Variants in PCSK5 observed in about 807,000 individuals in gnomAD.
The protein encoded by PCSK5 is proprotein convertase subtilisin/kexin type 5, also known as prohormone convertase 5.
PCSK5 carries 129 observed loss-of-function variants against 233.2 expected under a neutral mutation model. The ratio of observed to expected loss-of-function variants is 0.55; its 90% CI spans 0.48 to 0.64. The LOEUF (loss-of-function observed/expected upper bound fraction) is 0.64. Ranked by LOEUF, PCSK5 falls within the 30% of genes least tolerant of loss-of-function variation. The pLI, the probability that PCSK5 is intolerant of heterozygous loss-of-function variation, is 0.00. For synonymous variants in PCSK5, 825 were observed against 879.2 expected (o/e 0.94, Z 1.09); for missense variants, 2,076 against 2,430.1 (o/e 0.85, Z 3.06).
intron 2 of PCSK5, among the ~76,000 whole-genome samples, chr9:75,933,518 G>T (rs73448505): frequency 0.013 from 1,947 of 152,256 alleles, 47 homozygotes; most frequent in African/African-American, 0.044. Context: ...TCCTTATAAA[G>T]CAAAAAGGCC....
chr9:76,155,395 A>G (rs890065778), intron 10 of PCSK5, among the ~76,000 whole-genome samples: 2 of 152,228 alleles, frequency 1.3e-5, no homozygotes, highest in African/African-American at 4.8e-5. Context: ...TTTATATACT[A>G]TAGTTTATTT....
intron 25 of PCSK5, among the ~76,000 whole-genome samples, chr9:76,294,778 T>C (rs561339190): frequency 6.6e-6 from 1 of 152,150 alleles, no homozygotes; most frequent in South Asian, 2.1e-4. Flanking sequence ...TCCTTGGAGG[T>C]CCAGAAGGAG....
chr9:76,193,482 T>TTC (rs541704834), intron 20 of PCSK5: 23 of 702,188 alleles, frequency 3.3e-5, no homozygotes, highest in East Asian at 8.5e-5. Context: ...CTCTTTTTCT[T>TTC]TCTCTCTCTC....
intron 28 of PCSK5, among the ~76,000 whole-genome samples, chr9:76,303,711 CA>C (rs1188456449): frequency 6.6e-6 from 1 of 152,174 alleles, no homozygotes; most frequent in Non-Finnish European, 1.5e-5. Context: ...AGTGATACTG[CA>C]GTTTTAAAAA....
intron 3 of PCSK5, among the ~76,000 whole-genome samples, chr9:75,989,736 C>T (rs1369815741): frequency 6.6e-6 from 1 of 152,100 alleles, no homozygotes; most frequent in Non-Finnish European, 1.5e-5. Flanking sequence ...GTGCTGGCTT[C>T]CCAAGCAGGT....
chr9:75,951,704 A>G (rs1309095862), intron 2 of PCSK5, among the ~76,000 whole-genome samples: 1 of 152,168 alleles, frequency 6.6e-6, no homozygotes, highest in East Asian at 1.9e-4. Context: ...TATATGGAAA[A>G]TACTTGGGAA....
At chr9:75,971,233 T>A (rs1229304270) in intron 2 of PCSK5, among the ~76,000 whole-genome samples, 1 of 152,128 alleles carries the variant, frequency 6.6e-6, no homozygotes, top group Non-Finnish European at 1.5e-5. Context: ...GACTTCCAGG[T>A]CCATCCGTGT....
At chr9:76,193,782 C>G (rs1824546117) in intron 20 of PCSK5, 1 of 155,720 alleles carries the variant, frequency 6.4e-6, no homozygotes, top group Non-Finnish European at 1.4e-5. Flanking sequence ...CGAGAGCATA[C>G]ATAGACAAAA....
At chr9:76,332,093 G>GT (rs912453867) in intron 33 of PCSK5, among the ~76,000 whole-genome samples, 3 of 152,164 alleles carry the variant, frequency 2.0e-5, no homozygotes, top group African/African-American at 7.2e-5. Context: ...TGTAGTTTCT[G>GT]TTCTACCCAC....
In PCSK5 at chr9:76,359,594, T is replaced by C. The variant is rs531487963; in HGVS notation, c.*672T>C. On this transcript the variant is annotated 3_prime_UTR_variant, in exon 38 of 38. Coordinates refer to ENST00000674117, the MANE Select transcript of PCSK5 (RefSeq NM_001372043.1). ...TGAGGTCACCCCAGGCCCTAGTTCC[T>C]CCGCAGGAATCCAGAGTCACAACAA... The C allele has an allele frequency of 2.9e-4, 44 of 152,142 alleles. No individual in the cohort carries two copies. The highest frequency in any genetic ancestry group is 9.4e-4 in the African/African-American group (39 of 41,492). The allele number at this position is 152,142 out of a possible 1,614,324, so 9.4% of individuals were successfully genotyped here. A position where few individuals can be genotyped will look rare whatever the true frequency, so the allele number is the denominator to read the frequency against.
chr9:76,187,969 G>T (rs1824185684), intron 17 of PCSK5, among the ~76,000 whole-genome samples: 1 of 152,126 alleles, frequency 6.6e-6, no homozygotes, highest in Admixed American at 6.5e-5. Context: ...TGTTTAAAAT[G>T]AATAAATCAA....
chr9:76,021,335 G>C (rs989580164), intron 3 of PCSK5, among the ~76,000 whole-genome samples: 2 of 148,010 alleles, frequency 1.4e-5, no homozygotes, highest in African/African-American at 5.1e-5. Flanking sequence ...GAGAGACACA[G>C]AGAGAGAGAG....
In PCSK5 at chr9:75,992,785, A is replaced by G. The variant is rs540947867; in HGVS notation, c.411+6540A>G. ...GCATTATTTAAAGGCAGACAGTAAT[A>G]AATGGATTCATTTTTGATGCACTAC... is the stretch of plus-strand genomic sequence containing the variant. On this transcript the variant is annotated intron_variant, in intron 3 of 37. Coordinates refer to ENST00000674117, the MANE Select transcript of PCSK5 (RefSeq NM_001372043.1). Among the ~76,000 whole-genome samples the G allele has an allele frequency of 2.0e-5, 3 of 152,322 alleles. No individual in the cohort carries two copies. The South Asian group carries it at 6.2e-4, about 32-fold the overall frequency.
chr9:76,332,467 T>G lies in PCSK5; in HGVS notation c.4605T>G (p.Tyr1535Ter). 1.2e-6 allele frequency: 2 copies of G among 1,612,670 alleles called. No individual in the cohort carries two copies. The highest frequency in any genetic ancestry group is 1.7e-6 in the Non-Finnish European group (2 of 1,179,722). ...TTCVKDCPEG[Y>*]YADEDSNRCA... ...GTGTGAAGGACTGCCCAGAGGGCTATTATGCCGATGAGGACAGCAACCGGT... is the reference window on the plus strand; with the variant it reads ...GTGTGAAGGACTGCCCAGAGGGCTAGTATGCCGATGAGGACAGCAACCGGT... Residue 1535 changes from tyrosine (Y) to a stop codon, truncating the protein, a stop_gained, in exon 34 of 38, where the codon TAT becomes TAG. Coordinates refer to ENST00000674117, the MANE Select transcript of PCSK5 (RefSeq NM_001372043.1). LOFTEE classifies it high-confidence loss of function.
chr9:76,350,448 A>G (rs1270926958), intron 35 of PCSK5, among the ~76,000 whole-genome samples: 1 of 152,204 alleles, frequency 6.6e-6, no homozygotes, highest in Non-Finnish European at 1.5e-5. Context: ...CTGTCTATTC[A>G]TGATTTATGC....
chr9:76,241,523 A>G (rs1303952753), intron 24 of PCSK5, among the ~76,000 whole-genome samples: 1 of 152,226 alleles, frequency 6.6e-6, no homozygotes, highest in African/African-American at 2.4e-5. Context: ...TCGTGGTAAC[A>G]GTGGAGTTGA....
intron 1 of PCSK5, among the ~76,000 whole-genome samples, chr9:75,902,941 CAG>C (rs1826104546): frequency 2.0e-5 from 3 of 152,250 alleles, no homozygotes; most frequent in African/African-American, 7.2e-5. Flanking sequence ...ACAGTGGAAA[CAG>C]AGAATGTAAA....
At chr9:75,968,353 G>A (rs1235196220) in intron 2 of PCSK5, among the ~76,000 whole-genome samples, 1 of 152,202 alleles carries the variant, frequency 6.6e-6, no homozygotes, top group African/African-American at 2.4e-5. Context: ...TCGCTCGCGC[G>A]TTAACAGGTA....
chr9:76,183,194 G>A (rs1015820013), intron 16 of PCSK5, among the ~76,000 whole-genome samples: 5 of 152,198 alleles, frequency 3.3e-5, no homozygotes, highest in African/African-American at 1.2e-4. Context: ...AATGTTGTAT[G>A]ACAGAACCAA....
Sources: allele counts gnomAD v4.1 joint callset (sites outside exome capture counted in the v4.1 genomes callset), GRCh38; gene constraint gnomAD v4.1.1; transcripts MANE v1.5; gene names NCBI Gene and HGNC (gene_info 2026-07-23, HGNC 2026-07-21).